Variants in PTPRM observed in about 807,000 individuals in gnomAD.
The protein encoded by PTPRM is protein tyrosine phosphatase receptor type M.
In PTPRM, 47 loss-of-function variants were observed where a neutral mutation model predicts 186.7. The ratio of observed to expected loss-of-function variants is 0.25; its 90% CI spans 0.20 to 0.32. The LOEUF (loss-of-function observed/expected upper bound fraction) is 0.32. Ranked by LOEUF, PTPRM falls within the 10% of genes least tolerant of loss-of-function variation. The pLI is 1.00. For synonymous variants in PTPRM, 668 were observed against 674.9 expected (o/e 0.99, Z 0.16); for missense variants, 1,494 against 1,865.0 (o/e 0.80, Z 3.66).
intron 23 of PTPRM, among the ~76,000 whole-genome samples, chr18:8,344,522 G>A (rs11873504): frequency 0.3 from 43,734 of 147,248 alleles, 7,312 homozygotes; most frequent in Middle Eastern, 0.51. Flanking sequence ...ACAGACATCT[G>A]GAAATTCTAG....
chr18:7,678,702 G>A (rs781299877), intron 1 of PTPRM, among the ~76,000 whole-genome samples: 4 of 151,972 alleles, frequency 2.6e-5, no homozygotes, highest in Non-Finnish European at 5.9e-5. Context: ...TTTTTATTTC[G>A]TATTTCAGAA....
At chr18:8,304,589 T>G (rs185409819) in intron 20 of PTPRM, among the ~76,000 whole-genome samples, 34 of 152,314 alleles carry the variant, frequency 2.2e-4, no homozygotes, top group Admixed American at 4.6e-4. Flanking sequence ...GGGGTAACAT[T>G]GAGTTGTGAT....
At chr18:7,643,200 A>G in intron 1 of PTPRM, among the ~76,000 whole-genome samples, 1 of 152,150 alleles carries the variant, frequency 6.6e-6, no homozygotes, top group East Asian at 1.9e-4. Context: ...TCTTTCAATT[A>G]CTTTTGCTTA....
chr18:7,842,930 G>GTATATATA (rs1555616949), intron 2 of PTPRM, among the ~76,000 whole-genome samples: 1,853 of 100,744 alleles, frequency 0.018, 61 homozygotes, highest in Admixed American at 0.087. Context: ...GTGTGTGTGT[G>GTATATATA]TATATATATA....
intron 3 of PTPRM, among the ~76,000 whole-genome samples, chr18:7,893,171 T>C (rs2049167263): frequency 6.6e-6 from 1 of 152,316 alleles, no homozygotes; most frequent in African/African-American, 2.4e-5. Context: ...GCTTGTGCTT[T>C]CCTTTTTTTT....
intron 8 of PTPRM, 129 bp downstream of exon 8, chr18:8,070,123 T>G (rs2089370471): frequency 1.2e-6 from 1 of 810,480 alleles, no homozygotes; most frequent in Non-Finnish European, 1.9e-6. Flanking sequence ...AATGTGTATC[T>G]GTACTCTGTA....
rs2036796316 is a variant in PTPRM at position 7,579,844 on chromosome 18, A to G, written c.73+11953A>G. 2.0e-5 allele frequency among the ~76,000 whole-genome samples: 3 copies of G among 152,162 alleles called. No homozygotes were observed. The South Asian group carries it at 6.2e-4, about 31-fold the overall frequency. On this transcript the variant is annotated intron_variant, in intron 1 of 32. Transcript: ENST00000580170. The stretch of plus-strand genomic sequence containing the variant: ...CATTGAAACATGTGAACGTTGTGGA[A>G]TGATTTGTCTTAGGTGCCCCATAAG...
At chr18:8,316,984 T>G (rs2148046834) in intron 21 of PTPRM, among the ~76,000 whole-genome samples, 1 of 152,204 alleles carries the variant, frequency 6.6e-6, no homozygotes, top group South Asian at 2.1e-4. Flanking sequence ...TGGCATGGTG[T>G]ATGGGGGCCT....
intron 19 of PTPRM, among the ~76,000 whole-genome samples, chr18:8,259,562 A>G (rs1266627790): frequency 2.0e-5 from 3 of 150,124 alleles, no homozygotes; most frequent in African/African-American, 7.4e-5. Context: ...TCAGTGTTTT[A>G]TTTGCTGCCT....
At chr18:7,600,937 C>G (rs2037385870) in intron 1 of PTPRM, among the ~76,000 whole-genome samples, 1 of 152,218 alleles carries the variant, frequency 6.6e-6, no homozygotes, top group Non-Finnish European at 1.5e-5. Flanking sequence ...TGAGAACAGG[C>G]TCACCTCCTG....
chr18:7,567,911 C>A lies in PTPRM; in HGVS notation c.73+20C>A. ...TCTCAGGTAAGCGGGACCGCCTCTG[C>A]CGCCCCCGAGGCGCGCGGGCCGGCG... On this transcript the variant is annotated intron_variant, in intron 1 of 32. Transcript: ENST00000580170. The surrounding 1 kb of genome is among the most constrained non-coding windows in gnomAD (Gnocchi z 4.3). 6.5e-7 allele frequency: 1 copy of A among 1,540,456 alleles called. No homozygotes were observed. The highest frequency in any genetic ancestry group is 8.7e-7 in the Non-Finnish European group (1 of 1,151,978).
At chr18:7,736,887 T>C (rs2144460003) in intron 1 of PTPRM, among the ~76,000 whole-genome samples, 1 of 152,274 alleles carries the variant, frequency 6.6e-6, no homozygotes, top group East Asian at 1.9e-4. Flanking sequence ...TTAAAACAGG[T>C]ACTGAGTATA....
intron 1 of PTPRM, among the ~76,000 whole-genome samples, chr18:7,662,511 A>G (rs1253321529): frequency 1.3e-5 from 2 of 152,204 alleles, no homozygotes; most frequent in Non-Finnish European, 2.9e-5. Context: ...GCTAAAAATT[A>G]AAACAGTTGA....
chr18:8,379,428 C>A, intron 28 of PTPRM, 88 bp downstream of exon 28: 3 of 1,312,096 alleles, frequency 2.3e-6, no homozygotes, highest in African/African-American at 1.5e-5. Flanking sequence ...TTCTGCTCAC[C>A]AGCCCTTTTG....
chr18:8,065,750 T>A (rs1466546588), intron 7 of PTPRM, among the ~76,000 whole-genome samples: 2 of 152,222 alleles, frequency 1.3e-5, no homozygotes, highest in African/African-American at 2.4e-5. Context: ...ATTACCCTTT[T>A]ATCTAACTGT....
intron 5 of PTPRM, among the ~76,000 whole-genome samples, chr18:7,929,161 A>G (rs2146829962): frequency 6.6e-6 from 1 of 152,312 alleles, no homozygotes; most frequent in Admixed American, 6.5e-5. Context: ...AGGGTTGGAA[A>G]TTACTAGTGT....
chr18:8,379,867 G>A (rs1247691620), intron 28 of PTPRM, among the ~76,000 whole-genome samples: 1 of 151,864 alleles, frequency 6.6e-6, no homozygotes, highest in Non-Finnish European at 1.5e-5. Flanking sequence ...CTTCAGAGCT[G>A]TAAAAAAAAA....
At chr18:8,252,586 T>A in intron 18 of PTPRM, 87 bp downstream of exon 18, 1 of 1,202,766 alleles carries the variant, frequency 8.3e-7, no homozygotes, top group Non-Finnish European at 1.2e-6. Flanking sequence ...AGCCAGCTGG[T>A]GCTGCTCTGT....
chr18:7,872,141 G>C (rs2146193767), intron 2 of PTPRM, among the ~76,000 whole-genome samples: 1 of 152,244 alleles, frequency 6.6e-6, no homozygotes, highest in East Asian at 1.9e-4. Context: ...TTTTTTGTCA[G>C]ATAAAATTCA....
Sources: allele counts gnomAD v4.1 joint callset (sites outside exome capture counted in the v4.1 genomes callset), GRCh38; gene constraint gnomAD v4.1.1; non-coding constraint Gnocchi (gnomAD v3.1); transcripts MANE v1.5; gene names NCBI Gene and HGNC (gene_info 2026-07-23, HGNC 2026-07-21).